STRIP1: variants seen among roughly 807,000 people sequenced by gnomAD.
STRIP1 encodes striatin-interacting protein 1.
Under a neutral mutation model 106.2 loss-of-function variants are expected in STRIP1, and 63 were observed. The ratio of observed to expected loss-of-function variants is 0.59; its 90% confidence interval spans 0.48 to 0.73. The LOEUF (loss-of-function observed/expected upper bound fraction) is 0.73, where lower values mean the gene tolerates loss of function less well. Among genes scored for constraint, STRIP1 ranks in the 30% least tolerant of loss-of-function variants. STRIP1 has a pLI of 0.00. For synonymous variants in STRIP1, 390 were observed against 413.0 expected (o/e 0.94, Z 0.67); for missense variants, 857 against 1,074.8 (o/e 0.80, Z 2.83).
At chr1:110,037,055 A>G (rs1652493543) in intron 1 of STRIP1, among the ~76,000 whole-genome samples, 1 of 152,108 alleles carries the variant, frequency 6.6e-6, no homozygotes, top group Non-Finnish European at 1.5e-5. Context: ...GGCTGGTTTC[A>G]AAGTCCTGAC....
At chr1:110,043,001 C>A in intron 8 of STRIP1, 87 bp from the exon 9 acceptor site, 2 of 1,327,324 alleles carry the variant, frequency 1.5e-6, no homozygotes, top group Non-Finnish European at 2.1e-6. Flanking sequence ...GTCATGATGT[C>A]ATGAATGTTT....
chr1:110,033,797 C>A (rs143903885), upstream of STRIP1, among the ~76,000 whole-genome samples: 20 of 152,378 alleles, frequency 1.3e-4, no homozygotes, highest in African/African-American at 4.8e-4. Flanking sequence ...TCTGACCACC[C>A]TCAACATCTT....
At position 110,040,672 on chromosome 1, in the gene STRIP1, G is replaced by T. The variant is rs1652716079; in HGVS notation, c.619G>T (p.Ala207Ser). The change falls in exon 6 of 21, where the codon GCC (alanine) becomes TCC (serine). Residue 207 changes from alanine (A) to serine (S), a missense_variant. Around this residue, in one of 2 missense-constraint regions of STRIP1, gnomAD observed 750 missense variants for 989.8 expected, o/e 0.76. Transcript: ENST00000369795. ...AACSSAVRKP[A>S]ISLADSTDLR... ...CTGCAGCAGTGCTGTGAGGAAGCCT[G>T]CCATCTCCCTGGCTGACAGCACAGA... 1 of 1,612,324 alleles carries T rather than the reference G, an allele frequency of 6.2e-7. No homozygotes were observed. Among genetic ancestry groups the T allele is most frequent in the Non-Finnish European group, 8.5e-7 (1 of 1,179,220 alleles).
At position 110,047,770 on chromosome 1, in the gene STRIP1, A is replaced by C; in HGVS notation, c.1564-2A>C. 1 of 1,565,268 alleles carries C rather than the reference A, an allele frequency of 6.4e-7. No individual in the cohort carries two copies. The highest frequency in any genetic ancestry group is 2.3e-5 in the East Asian group (1 of 42,558). ...TGTGTCTGAATGGTCTACTCTTCCC[A>C]GATTGCCCTCCTGAAGATCCTGTTG... is the stretch of plus-strand genomic sequence containing the variant. On this transcript the variant is annotated splice_acceptor_variant, in intron 14 of 20. Transcript: ENST00000369795. LOFTEE classifies it high-confidence loss of function.
At chr1:110,050,475 A>C in intron 18 of STRIP1, 66 bp downstream of exon 18, 3 of 1,428,252 alleles carry the variant, frequency 2.1e-6, no homozygotes, top group Non-Finnish European at 3.0e-6. Flanking sequence ...GAGCCTGCCT[A>C]CCCCAACACT....
At chr1:110,051,654 T>A (rs1182848351) in intron 19 of STRIP1, 29 bp from the exon 20 acceptor site, 3 of 1,569,440 alleles carry the variant, frequency 1.9e-6, no homozygotes, top group Non-Finnish European at 1.7e-6. Context: ...TGTCTTCAAC[T>A]TGGGCTGCTT....
In STRIP1 at chr1:110,041,779, G is replaced by A; in HGVS notation, c.803G>A (p.Gly268Glu). 1 of 1,614,082 alleles carries A rather than the reference G, an allele frequency of 6.2e-7. No individual in the cohort carries two copies. Among genetic ancestry groups the A allele is most frequent in the South Asian group, 1.1e-5 (1 of 91,082 alleles). The stretch of plus-strand genomic sequence containing the variant: ...GAGCCATTTGCCATCATGCTGTTTG[G>A]GATGGTGACCAAATTTTGCAGTGGT... ...NNEPFAIMLF[G>E]MVTKFCSGHA... Residue 268 changes from glycine to glutamate, a missense_variant, in exon 8 of 21, where the codon GGG becomes GAG. Around this residue, in one of 2 missense-constraint regions of STRIP1, gnomAD observed 750 missense variants for 989.8 expected, o/e 0.76. Transcript: ENST00000369795.
At chr1:110,032,147 T>C (rs1366829947), upstream of STRIP1, among the ~76,000 whole-genome samples, 2 of 152,200 alleles carry the variant, frequency 1.3e-5, no homozygotes, top group Non-Finnish European at 2.9e-5. Flanking sequence ...TTTATCTAAA[T>C]CTGATTATTT....
In STRIP1 at chr1:110,047,633, GTGGGACACTCCCACTACAC is replaced by G. The variant is rs762057833; in HGVS notation, c.1563+21_1563+39del. On this transcript the variant is annotated intron_variant, in intron 14 of 20. Transcript: ENST00000369795. The stretch of plus-strand genomic sequence containing the variant: ...CAGTATATGGTGAGTGGTGCCTGCA[GTGGGACACTCCCACTACAC>G]TGGCCTTAGAGCAGGCCCTGCCGTC... The G allele has an allele frequency of 1.5e-5, 24 of 1,601,848 alleles. No homozygotes were observed. The highest frequency in any genetic ancestry group is 1.9e-5 in the Non-Finnish European group (22 of 1,173,294).
At chr1:110,035,772 T>C (rs1652423674) in intron 1 of STRIP1, among the ~76,000 whole-genome samples, 2 of 152,184 alleles carry the variant, frequency 1.3e-5, no homozygotes, top group Admixed American at 6.5e-5. Flanking sequence ...AATGTACCAA[T>C]TCATACCAAA....
chr1:110,043,387 T>C lies in STRIP1; in HGVS notation c.1068+117T>C, dbSNP rs1050217490. Reference sequence around the variant, plus strand: ...ATGATCTCTGATCAGCCAGTCAGAATCATGCCTCCACAGCGAGGATACTTT... The same window carrying C: ...ATGATCTCTGATCAGCCAGTCAGAACCATGCCTCCACAGCGAGGATACTTT... On this transcript the variant is annotated intron_variant, in intron 9 of 20. Coordinates refer to ENST00000369795, the MANE Select transcript of STRIP1 (RefSeq NM_033088.4). 1.4e-5 allele frequency: 16 copies of C among 1,123,798 alleles called. No individual in the cohort carries two copies. The Admixed American group carries it at 2.6e-4, about 18-fold the overall frequency. 69.6% of individuals were successfully genotyped at this position (1,123,798 alleles called of 1,614,324 possible). A position where few individuals can be genotyped will look rare whatever the true frequency, so the allele number is the denominator to read the frequency against.
intron 19 of STRIP1, 75 bp downstream of exon 19, chr1:110,051,135 G>C: frequency 1.0e-6 from 1 of 978,316 alleles, no homozygotes; most frequent in Non-Finnish European, 1.7e-6. Flanking sequence ...GGAGTCCCCA[G>C]GGTGGGGCTC....
intron 2 of STRIP1, 111 bp downstream of exon 2, chr1:110,038,071 A>AATATATATGTGTAT (rs1652550277): frequency 7.7e-6 from 1 of 129,676 alleles, no homozygotes; most frequent in South Asian, 1.7e-4. Flanking sequence ...AGTTCTATCA[A>AATATATATGTGTAT]ATATATATAT....
At chr1:110,038,987 C>A in intron 3 of STRIP1, 185 bp from the exon 4 acceptor site, 1 of 793,118 alleles carries the variant, frequency 1.3e-6, no homozygotes, top group Non-Finnish European at 2.0e-6. Context: ...TAAAATTGCA[C>A]CCAAAATACC....
chr1:110,045,056 A>G lies in STRIP1; in HGVS notation c.1394A>G (p.Glu465Gly). The change falls in exon 12 of 21, where the codon GAA becomes GGA. Residue 465 changes from glutamate (E) to glycine (G), a missense_variant. Glu to Gly is a moderately conservative substitution (Grantham distance 98). Around this residue, in one of 2 missense-constraint regions of STRIP1, gnomAD observed 750 missense variants for 989.8 expected, o/e 0.76. Coordinates refer to ENST00000369795, the MANE Select transcript of STRIP1 (RefSeq NM_033088.4). ...GTGGGGCTGCCCAGGCCAATCCACGAAAGCATCAAGACTCTGAAACAGGTG... is the reference window on the plus strand; with the variant it reads ...GTGGGGCTGCCCAGGCCAATCCACGGAAGCATCAAGACTCTGAAACAGGTG... ...TVVGLPRPIH[E>G]SIKTLKQHKY... 6.2e-7 allele frequency: 1 copy of G among 1,614,134 alleles called. No homozygotes were observed. Among genetic ancestry groups the G allele is most frequent in the Non-Finnish European group, 8.5e-7 (1 of 1,179,990 alleles).
rs752963249 is a variant in STRIP1, at chr1:110,041,749, A to T, written c.773A>T (p.Asn258Ile). ...TCACCTCCAGGCTCCCCGCTGTACA[A>T]CAATGAGCCATTTGCCATCATGCTG... is the stretch of plus-strand genomic sequence containing the variant. ...FRAELGSPLY[N>I]NEPFAIMLFG... Residue 258 changes from asparagine (N) to isoleucine (I), a missense_variant, in exon 8 of 21, where the codon AAC (asparagine) becomes ATC (isoleucine). Coordinates refer to ENST00000369795, the MANE Select transcript of STRIP1 (RefSeq NM_033088.4). 20 of 1,614,164 alleles carry T rather than the reference A, an allele frequency of 1.2e-5. No homozygotes were observed. The Admixed American group carries it at 3.3e-4, about 27-fold the overall frequency.
intron 17 of STRIP1, chr1:110,049,999 G>A (rs895563762): frequency 1.1e-5 from 4 of 369,870 alleles, no homozygotes; most frequent in African/African-American, 6.2e-5. Context: ...ACCACAGGGC[G>A]CCGGCCAGAC....
At chr1:110,038,988 C>A in intron 3 of STRIP1, 184 bp from the exon 4 acceptor site, 1 of 799,522 alleles carries the variant, frequency 1.3e-6, no homozygotes, top group Non-Finnish European at 2.0e-6. Flanking sequence ...AAAATTGCAC[C>A]CAAAATACCA....
intron 7 of STRIP1, 27 bp from the exon 8 acceptor site, chr1:110,041,707 G>A (rs769341364): frequency 6.2e-7 from 1 of 1,614,132 alleles, no homozygotes; most frequent in Non-Finnish European, 8.5e-7. Context: ...CTTTGGGAGG[G>A]TCCTGATACC....
Sources: gnomAD v4.1 joint callset for allele counts (sites outside exome capture counted in the v4.1 genomes callset) on GRCh38, gnomAD v4.1.1 for gene constraint, gnomAD v4.1.1 regional missense constraint, MANE v1.5 for transcripts, NCBI Gene and HGNC (gene_info 2026-07-23, HGNC 2026-07-21) for gene names.